The following CDH13 variants were observed in gnomAD, a reference collection of about 807,000 sequenced individuals.
The protein encoded by CDH13 is cadherin-13.
In CDH13, 24 loss-of-function variants were observed where a neutral mutation model predicts 63.8. The ratio of observed to expected loss-of-function variants is 0.38; its 90% CI spans 0.27 to 0.53. The LOEUF (loss-of-function observed/expected upper bound fraction) is 0.53. Ranked by LOEUF, CDH13 falls within the 20% of genes least tolerant of loss-of-function variation. The pLI, the probability that CDH13 is intolerant of heterozygous loss-of-function variation, is 0.85. For synonymous variants in CDH13, 503 were observed against 355.3 expected (o/e 1.42, Z -4.67); for missense variants, 1,049 against 903.1 (o/e 1.16, Z -2.07).
chr16:83,680,920 TG>T (rs1282751846), intron 10 of CDH13, among the ~76,000 whole-genome samples: 1 of 151,990 alleles, frequency 6.6e-6, no homozygotes, highest in African/African-American at 2.4e-5. Context: ...TGCTCTCCCC[TG>T]GGTTGTCTCC....
intron 2 of CDH13, among the ~76,000 whole-genome samples, chr16:82,978,319 G>T (rs1383316495): frequency 6.6e-6 from 1 of 152,222 alleles, no homozygotes; most frequent in Non-Finnish European, 1.5e-5. Flanking sequence ...GAAATTCAAG[G>T]CTGTTGCAGA....
At chr16:83,694,457 A>G (rs1290626013) in intron 10 of CDH13, among the ~76,000 whole-genome samples, 1 of 152,212 alleles carries the variant, frequency 6.6e-6, no homozygotes, top group African/African-American at 2.4e-5. Flanking sequence ...GGAATGAGAA[A>G]CATCCACTCC....
intron 1 of CDH13, chr16:82,829,619 T>C (rs1318285545): frequency 6.6e-6 from 1 of 152,056 alleles, no homozygotes; most frequent in African/African-American, 2.4e-5. Flanking sequence ...CATGAGTTAA[T>C]GAAATTCCGT....
chr16:83,395,114 C>G (rs1201391328), intron 6 of CDH13, among the ~76,000 whole-genome samples: 1 of 145,556 alleles, frequency 6.9e-6, no homozygotes, highest in Non-Finnish European at 1.5e-5. Flanking sequence ...TGCCATTGCA[C>G]TCCAGCCTGG....
chr16:83,661,888 C>A (rs896763028), intron 8 of CDH13, among the ~76,000 whole-genome samples: 1 of 152,188 alleles, frequency 6.6e-6, no homozygotes, highest in African/African-American at 2.4e-5. Context: ...GAATGTTTCC[C>A]TTTCTTGCCC....
chr16:83,039,415 T>C (rs1917145079), intron 3 of CDH13, among the ~76,000 whole-genome samples: 1 of 152,194 alleles, frequency 6.6e-6, no homozygotes, highest in Non-Finnish European at 1.5e-5. Context: ...CTTCCCTTCC[T>C]GTCACCCTCG....
Position 82,865,004 on chromosome 16 carries a change from G to A in CDH13, c.157+6531G>A, listed in dbSNP as rs111652599. 2.3e-3 allele frequency among the ~76,000 whole-genome samples: 351 copies of A among 152,294 alleles called. 2 individuals are homozygous for A. The highest frequency in any genetic ancestry group is 4.4e-3 in the Non-Finnish European group (300 of 68,026). ...AGGCCCCACGCAAGTCCAAAATCCA[G>A]CAGGGCAGATAAATCTTAAAGCTCT... On this transcript the variant is annotated intron_variant, in intron 2 of 13. Transcript: ENST00000567109.
At chr16:83,527,707 C>T (rs2074996474) in intron 7 of CDH13, among the ~76,000 whole-genome samples, 2 of 152,148 alleles carry the variant, frequency 1.3e-5, no homozygotes, top group Admixed American at 1.3e-4. Flanking sequence ...AATGCTGAGA[C>T]AACACCCAGT....
intron 5 of CDH13, among the ~76,000 whole-genome samples, chr16:83,299,417 C>T (rs1437795429): frequency 1.3e-5 from 2 of 152,156 alleles, no homozygotes; most frequent in Non-Finnish European, 2.9e-5. Context: ...CTCATGCTTG[C>T]AGCACATACA....
rs140198963 is a variant in CDH13, at chr16:83,686,967, C to T, written c.1538+8506C>T. On this transcript the variant is annotated intron_variant, in intron 10 of 13. Coordinates refer to ENST00000567109, the MANE Select transcript of CDH13 (RefSeq NM_001257.5). ...CTCATGCTTTGTAATCCCAGCACTTCGGGAGGCCAAGGTGGGCAGATCATT... is the reference window on the plus strand; with the variant it reads ...CTCATGCTTTGTAATCCCAGCACTTTGGGAGGCCAAGGTGGGCAGATCATT... Among the ~76,000 whole-genome samples, 1,377 of 152,228 alleles carry T rather than the reference C, an allele frequency of 9.0e-3. 66 individuals carry two copies. Among genetic ancestry groups the T allele is most frequent in the Admixed American group, 0.07 (1,078 of 15,302 alleles).
chr16:83,234,071 A>G (rs2040078673), intron 5 of CDH13, among the ~76,000 whole-genome samples: 1 of 152,184 alleles, frequency 6.6e-6, no homozygotes, highest in Non-Finnish European at 1.5e-5. Flanking sequence ...CTGGCTTCAA[A>G]TAGGGTGACG....
chr16:83,417,955 A>T (rs561395775), intron 6 of CDH13, among the ~76,000 whole-genome samples: 71 of 151,864 alleles, frequency 4.7e-4, no homozygotes, highest in African/African-American at 1.5e-3. Flanking sequence ...CCACCCCCTT[A>T]ACATGGAAAA....
chr16:83,705,371 C>G (rs1193036922), intron 10 of CDH13, among the ~76,000 whole-genome samples: 1 of 152,150 alleles, frequency 6.6e-6, no homozygotes, highest in Non-Finnish European at 1.5e-5. Context: ...GCCTGTAATC[C>G]TAGCACTTTG....
chr16:83,572,947 T>G (rs1021906969), intron 7 of CDH13, among the ~76,000 whole-genome samples: 2 of 152,208 alleles, frequency 1.3e-5, no homozygotes, highest in Admixed American at 6.5e-5. Context: ...CATAAAGGAT[T>G]GAAATGTGTA....
At chr16:83,257,092 C>G (rs1246698571) in intron 5 of CDH13, among the ~76,000 whole-genome samples, 1 of 152,002 alleles carries the variant, frequency 6.6e-6, no homozygotes, top group Non-Finnish European at 1.5e-5. Flanking sequence ...ATACAGGCAC[C>G]TAGGAATACA....
chr16:82,843,969 G>A (rs983754260), intron 1 of CDH13, among the ~76,000 whole-genome samples: 5 of 152,182 alleles, frequency 3.3e-5, no homozygotes, highest in African/African-American at 1.2e-4. Flanking sequence ...CTCCCTCGTG[G>A]ATATTTTGGA....
intron 2 of CDH13, among the ~76,000 whole-genome samples, chr16:83,013,973 C>G (rs572471934): frequency 3.6e-4 from 55 of 152,206 alleles, no homozygotes; most frequent in Middle Eastern, 3.4e-3. Context: ...AGCACGTCTT[C>G]ATTCAATAAA....
chr16:83,278,014 C>G (rs918604309), intron 5 of CDH13, among the ~76,000 whole-genome samples: 2 of 152,096 alleles, frequency 1.3e-5, no homozygotes, highest in African/African-American at 4.8e-5. Flanking sequence ...ATTATGATTT[C>G]TATTGATAAA....
chr16:82,824,934 C>A (rs1055640136), intron 1 of CDH13: 1 of 152,098 alleles, frequency 6.6e-6, no homozygotes, highest in Admixed American at 6.6e-5. Context: ...TAAAAAAATA[C>A]TTTTAATCTT....
Sources: gnomAD v4.1 joint callset for allele counts (sites outside exome capture counted in the v4.1 genomes callset) on GRCh38, gnomAD v4.1.1 for gene constraint, MANE v1.5 for transcripts, NCBI Gene and HGNC (gene_info 2026-07-23, HGNC 2026-07-21) for gene names.